Variants in COG5 observed in about 807,000 individuals in gnomAD.
COG5 encodes the protein component of oligomeric golgi complex 5.
In COG5, 86 loss-of-function variants were observed where a neutral mutation model predicts 110.4. That is an observed-to-expected ratio of 0.78 (90% confidence interval 0.65 to 0.93). The LOEUF (loss-of-function observed/expected upper bound fraction) is 0.93, where lower values mean the gene tolerates loss of function less well. Ranked by LOEUF, COG5 falls within the 40% of genes least tolerant of loss-of-function variation. The pLI, the probability that COG5 is intolerant of heterozygous loss-of-function variation, is 0.00. For synonymous variants in COG5, 360 were observed against 334.6 expected, an observed-to-expected ratio of 1.08 and a Z score of -0.83; for missense variants, 1,077 against 987.0, an observed-to-expected ratio of 1.09 and a Z score of -1.22.
chr7:107,277,983 A>T (rs1331283920), intron 14 of COG5, among the ~76,000 whole-genome samples: 2 of 152,212 alleles, frequency 1.3e-5, no homozygotes, highest in African/African-American at 4.8e-5. Flanking sequence ...AATCAGCTTG[A>T]AAAAACCTTT....
intron 7 of COG5, among the ~76,000 whole-genome samples, chr7:107,377,607 G>A (rs1426322572): frequency 6.6e-6 from 1 of 152,094 alleles, no homozygotes; most frequent in African/African-American, 2.4e-5. Flanking sequence ...ACCTAGATCA[G>A]CATCCAAACT....
chr7:107,436,382 G>T (rs893969850), intron 6 of COG5, among the ~76,000 whole-genome samples: 1 of 152,194 alleles, frequency 6.6e-6, no homozygotes, highest in African/African-American at 2.4e-5. Context: ...TCCCTCTGAT[G>T]TGAGGTACCT....
intron 6 of COG5, among the ~76,000 whole-genome samples, chr7:107,431,026 C>A (rs1480616273): frequency 6.6e-6 from 1 of 151,980 alleles, no homozygotes. Context: ...AAAAACAAAA[C>A]CAAAAACAAA....
chr7:107,347,075 G>A (rs568722152), intron 10 of COG5, among the ~76,000 whole-genome samples: 26 of 152,112 alleles, frequency 1.7e-4, no homozygotes, highest in Non-Finnish European at 3.5e-4. Context: ...CCCAAGCAAT[G>A]ATTGCATCAA....
intron 8 of COG5, among the ~76,000 whole-genome samples, chr7:107,366,449 A>AG (rs1230453080): frequency 1.9e-3 from 286 of 152,272 alleles, no homozygotes; most frequent in African/African-American, 6.5e-3. Flanking sequence ...TGGAACAGGA[A>AG]AACATTCAAT....
chr7:107,549,675 T>C (rs1294817923), intron 3 of COG5, among the ~76,000 whole-genome samples: 1 of 151,838 alleles, frequency 6.6e-6, no homozygotes, highest in Non-Finnish European at 1.5e-5. Context: ...GTGCTGGGAT[T>C]ACAGGCGTGA....
intron 6 of COG5, among the ~76,000 whole-genome samples, chr7:107,415,005 C>T (rs558896482): frequency 6.6e-6 from 1 of 152,000 alleles, no homozygotes; most frequent in Non-Finnish European, 1.5e-5. Flanking sequence ...GGATTACAGG[C>T]GTGAGCCACC....
chr7:107,205,725 C>T (rs1798723639), intron 21 of COG5, among the ~76,000 whole-genome samples: 2 of 152,144 alleles, frequency 1.3e-5, no homozygotes. Flanking sequence ...CTTCAATGCT[C>T]CCTTTTAAGG....
At chr7:107,364,027 T>C (rs1386306031) in intron 8 of COG5, among the ~76,000 whole-genome samples, 1 of 152,076 alleles carries the variant, frequency 6.6e-6, no homozygotes, top group Non-Finnish European at 1.5e-5. Context: ...TATAAATTAC[T>C]AATTACAAAG....
At chr7:107,244,865 T>C (rs911350130) in intron 17 of COG5, among the ~76,000 whole-genome samples, 2 of 152,128 alleles carry the variant, frequency 1.3e-5, no homozygotes, top group African/African-American at 4.8e-5. Context: ...AATTTTACCA[T>C]ATGTAAAAAG....
chr7:107,456,047 C>T (rs1176162312), intron 6 of COG5, among the ~76,000 whole-genome samples: 3 of 152,102 alleles, frequency 2.0e-5, no homozygotes, highest in African/African-American at 7.2e-5. Flanking sequence ...GATCTGCCCG[C>T]CTCGGCCTCC....
intron 19 of COG5, among the ~76,000 whole-genome samples, chr7:107,212,534 A>C (rs1015072392): frequency 7.9e-5 from 12 of 152,242 alleles, no homozygotes; most frequent in African/African-American, 2.4e-4. Context: ...CTCTGTATGG[A>C]TGACATTGTC....
At chr7:107,244,812 T>G (rs1433541347) in intron 17 of COG5, among the ~76,000 whole-genome samples, 1 of 152,166 alleles carries the variant, frequency 6.6e-6, no homozygotes, top group African/African-American at 2.4e-5. Flanking sequence ...AATGAATTGC[T>G]GACTAACTAA....
chr7:107,392,859 G>C (rs1476705708), intron 7 of COG5, among the ~76,000 whole-genome samples: 1 of 152,044 alleles, frequency 6.6e-6, no homozygotes, highest in Non-Finnish European at 1.5e-5. Context: ...TTATTTTTCT[G>C]TACAAATACA....
Position 107,245,440 on chromosome 7 carries a change from G to C in COG5, c.1853+2956C>G, listed in dbSNP as rs181645044. 1.7e-4 allele frequency among the ~76,000 whole-genome samples: 26 copies of C among 152,274 alleles called. No individual in the cohort carries two copies. In the East Asian group the frequency reaches 3.9e-3, roughly 23 times the overall value. On this transcript the variant is annotated intron_variant, in intron 17 of 21. Transcript: ENST00000297135. ...AGTTAAGCTACCTCTGTTTGCAGATGACATGATTCTATATCTAGAAAACCC... is the reference window on the plus strand; with the variant it reads ...AGTTAAGCTACCTCTGTTTGCAGATCACATGATTCTATATCTAGAAAACCC...
chr7:107,302,690 T>G (rs1807376883), intron 11 of COG5, among the ~76,000 whole-genome samples: 1 of 152,166 alleles, frequency 6.6e-6, no homozygotes, highest in African/African-American at 2.4e-5. Flanking sequence ...GGTTTGCTCT[T>G]GTATTTGGCA....
At chr7:107,339,320 T>A (rs1226488925) in intron 10 of COG5, among the ~76,000 whole-genome samples, 1 of 151,998 alleles carries the variant, frequency 6.6e-6, no homozygotes, top group South Asian at 2.1e-4. Context: ...ACAAAAAGAC[T>A]TAACTATACT....
intron 7 of COG5, among the ~76,000 whole-genome samples, chr7:107,403,626 G>A (rs145205499): frequency 6.6e-6 from 1 of 152,014 alleles, no homozygotes; most frequent in African/African-American, 2.4e-5. Context: ...ATGGCAAAAG[G>A]ATAAGCAGCT....
chr7:107,290,065 T>G (rs1806036870), intron 12 of COG5, among the ~76,000 whole-genome samples: 1 of 152,192 alleles, frequency 6.6e-6, no homozygotes, highest in South Asian at 2.1e-4. Flanking sequence ...TTAGAAATAA[T>G]TCTACTGCCC....
Sources: allele counts gnomAD v4.1 joint callset (sites outside exome capture counted in the v4.1 genomes callset), GRCh38; gene constraint gnomAD v4.1.1; transcripts MANE v1.5; gene names NCBI Gene and HGNC (gene_info 2026-07-23, HGNC 2026-07-21).